Variants in KNL1 observed in about 807,000 individuals in gnomAD.
KNL1 encodes the protein outer kinetochore KNL1 complex subunit KNL1.
In KNL1, 66 loss-of-function variants were observed where a neutral mutation model predicts 201.3. The observed-to-expected ratio is 0.33, with a 90% CI of 0.27 to 0.40. The LOEUF (loss-of-function observed/expected upper bound fraction) is 0.40. Ranked by LOEUF, KNL1 falls within the 10% of genes least tolerant of loss-of-function variation. The pLI, the probability that KNL1 is intolerant of heterozygous loss-of-function variation, is 1.00. For missense variants in KNL1, 2,815 were observed against 2,690.5 expected (o/e 1.05, Z -1.02); for synonymous variants, 895 against 899.2 (o/e 1.00, Z 0.08).
chr15:40,614,580 G>A (rs188999172), intron 7 of KNL1, among the ~76,000 whole-genome samples: 5 of 152,292 alleles, frequency 3.3e-5, no homozygotes, highest in African/African-American at 1.2e-4. Flanking sequence ...AACCACTGTT[G>A]ACAATTTTTG....
chr15:40,646,898 A>T lies in KNL1; in HGVS notation c.6007-89A>T, dbSNP rs1181332470. 8 of 599,628 alleles carry T rather than the reference A, an allele frequency of 1.3e-5. No individual in the cohort carries two copies. The East Asian group carries it at 2.4e-4, about 18-fold the overall frequency. 37.1% of individuals were successfully genotyped at this position (599,628 alleles called of 1,614,324 possible). ...AAAAAAGATTTGCCTGTTTGTGATCATGATAGAGCGATTATGTGAGCAGTT... is the reference window on the plus strand; with the variant it reads ...AAAAAAGATTTGCCTGTTTGTGATCTTGATAGAGCGATTATGTGAGCAGTT... On this transcript the variant is annotated intron_variant, in intron 16 of 25. Coordinates refer to ENST00000399668, the MANE Select transcript of KNL1 (RefSeq NM_144508.5).
intron 25 of KNL1, among the ~76,000 whole-genome samples, chr15:40,659,927 T>TGTGTGTGTGTGTGTGTGTGTG (rs71104714): frequency 3.3e-5 from 5 of 150,602 alleles, no homozygotes; most frequent in South Asian, 2.1e-4. Context: ...TGTGTGTGTG[T>TGTGTGTGTGTGTGTGTGTGTG]TTGAGATGGA....
chr15:40,616,053 C>G (rs1324228127), intron 8 of KNL1: 1 of 151,356 alleles, frequency 6.6e-6, no homozygotes, highest in African/African-American at 2.4e-5. Context: ...GTGTGAGCCA[C>G]CGCGCCTGGC....
chr15:40,622,425 A>G lies in KNL1; in HGVS notation c.2161A>G (p.Thr721Ala). The G allele has an allele frequency of 6.2e-7, 1 of 1,613,868 alleles. No homozygotes were observed. The highest frequency in any genetic ancestry group is 1.1e-5 in the South Asian group (1 of 91,054). ...TCATGATACTGCTATAAGTAGTCAT[A>G]CAGTGAAATCTGTACTAGGCCAGAA... is the stretch of plus-strand genomic sequence containing the variant. ...KNHDTAISSH[T>A]VKSVLGQNSK... Residue 721 changes from threonine to alanine, a missense_variant, in exon 10 of 26, where the codon ACA (threonine) becomes GCA (alanine). Physicochemically the swap from Thr to Ala is moderately conservative, Grantham distance 58. Around this residue, in one of 3 missense-constraint regions of KNL1, gnomAD observed 2,464 missense variants for 2,291.7 expected, o/e 1.08. Coordinates refer to ENST00000399668, the MANE Select transcript of KNL1 (RefSeq NM_144508.5).
Position 40,624,050 on chromosome 15 carries a change from C to G in KNL1, c.3786C>G (p.Asp1262Glu). 1 of 1,613,892 alleles carries G rather than the reference C, an allele frequency of 6.2e-7. No homozygotes were observed. Among genetic ancestry groups the G allele is most frequent in the Non-Finnish European group, 8.5e-7 (1 of 1,179,922 alleles). Residue 1262 changes from aspartate to glutamate, a missense_variant, in exon 10 of 26, where the codon GAC (aspartate) becomes GAG (glutamate). Transcript: ENST00000399668. ...MDEKVIGKVV[D>E]QACTLEKAQV... is the part of the protein sequence containing the mutation. ...AAAAGGTCATAGGGAAAGTTGTAGA[C>G]CAGGCCTGTACATTGGAAAAAGCGC...
chr15:40,654,832 G>T, intron 21 of KNL1, 77 bp from the exon 22 acceptor site: 2 of 1,069,684 alleles, frequency 1.9e-6, no homozygotes, highest in Non-Finnish European at 2.8e-6. Flanking sequence ...CTGCGCCATT[G>T]CACTCCAGCC....
intron 7 of KNL1, among the ~76,000 whole-genome samples, chr15:40,613,263 G>A (rs1892231850): frequency 6.6e-6 from 1 of 152,154 alleles, no homozygotes; most frequent in Non-Finnish European, 1.5e-5. Flanking sequence ...GTGTGTGTGT[G>A]TGTGTATCTT....
rs1285249438 is a variant in KNL1, at chr15:40,621,869, T to C, written c.1605T>C (p.Asn535=). The change falls in exon 10 of 26, where the codon AAT becomes AAC. Residue 535 remains asparagine (N), a synonymous_variant. Coordinates refer to ENST00000399668, the MANE Select transcript of KNL1 (RefSeq NM_144508.5). The stretch of plus-strand genomic sequence containing the variant: ...CAGAAGATGGGAAAATGAATGTAAA[T>C]TGTAACTCAGTTCCTCATGTATCTA... The part of the protein sequence containing the change: ...TTSEDGKMNV[N]CNSVPHVSKE... 2.5e-6 allele frequency: 4 copies of C among 1,614,092 alleles called. No individual in the cohort carries two copies. The highest frequency in any genetic ancestry group is 1.1e-5 in the South Asian group (1 of 91,084).
intron 20 of KNL1, 32 bp from the exon 21 acceptor site, chr15:40,651,973 G>C (rs375960767): frequency 3.3e-6 from 5 of 1,502,214 alleles, no homozygotes; most frequent in African/African-American, 2.7e-5. Flanking sequence ...TTTTAAAAAC[G>C]CTTTTTAAAA....
intron 19 of KNL1, among the ~76,000 whole-genome samples, chr15:40,650,828 T>C (rs1172239650): frequency 2.0e-5 from 3 of 152,184 alleles, no homozygotes; most frequent in African/African-American, 7.2e-5. Flanking sequence ...CAGTATCCTT[T>C]TTGTTTAATA....
chr15:40,610,171 CAG>C, intron 5 of KNL1, 72 bp from the exon 6 acceptor site: 1 of 827,846 alleles, frequency 1.2e-6, no homozygotes, highest in East Asian at 2.5e-5. Context: ...TATCTCAACA[CAG>C]ACTATAAATC....
In KNL1 at chr15:40,622,791, C is replaced by CA; in HGVS notation, c.2531dup (p.Asn844LysfsTer16). The CA allele has an allele frequency of 6.2e-7, 1 of 1,612,590 alleles. No individual in the cohort carries two copies. On this transcript the variant is annotated frameshift_variant, in exon 10 of 26. Transcript: ENST00000399668. LOFTEE classifies it high-confidence loss of function. ...GAAACCTAAATTTCCAAAGGAAAAG[C>CA]AAAATGTCAAAATTTGGGGAAGGAA...
chr15:40,625,637 G>C lies in KNL1; in HGVS notation c.5373G>C (p.Arg1791=). The stretch of plus-strand genomic sequence containing the variant: ...AGTTTAGTGATACGACACAAGATCG[G>C]GAGGTGAGCTCTGTCTTGAACCAAA... The part of the protein sequence containing the change: ...EIKFSDTTQD[R]EIFDHHTEED... Residue 1791 remains arginine (R), a synonymous_variant, in exon 10 of 26, where the codon CGG becomes CGC. Coordinates refer to ENST00000399668, the MANE Select transcript of KNL1 (RefSeq NM_144508.5). 1.9e-6 allele frequency: 3 copies of C among 1,610,080 alleles called. No homozygotes were observed. The highest frequency in any genetic ancestry group is 2.5e-6 in the Non-Finnish European group (3 of 1,178,190).
rs777687058 is a variant in KNL1, at chr15:40,650,555, C to G, written c.6184C>G (p.Leu2062Val). The G allele has an allele frequency of 7.7e-6, 12 of 1,557,818 alleles. No individual in the cohort carries two copies. In the East Asian group the frequency reaches 2.5e-4, roughly 32 times the overall value. Residue 2062 changes from leucine to valine, a missense_variant, in exon 19 of 26, where the codon CTG becomes GTG. By Grantham distance (32) the Leu-to-Val change is conservative. This residue lies in a region of KNL1 where 334 missense variants were observed against 362.6 expected (regional missense o/e 0.92). Transcript: ENST00000399668. ...MRAAEKELEQLKTEEEELQRN... is the reference protein window; with the variant it reads ...MRAAEKELEQVKTEEEELQRN... ...TTCTGTTTCCAAAGAATTGGAACAG[C>G]TGAAAACTGAAGAAGAGGAGCTTCA...
intron 1 of KNL1, among the ~76,000 whole-genome samples, chr15:40,595,040 A>C (rs978371323): frequency 6.6e-6 from 1 of 152,234 alleles, no homozygotes; most frequent in African/African-American, 2.4e-5. Context: ...AGTTTGAGGG[A>C]GGAAAAAGTA....
chr15:40,597,907 C>T (rs1323108576), intron 1 of KNL1, among the ~76,000 whole-genome samples: 3 of 152,122 alleles, frequency 2.0e-5, no homozygotes, highest in African/African-American at 4.8e-5. Context: ...CGCGGTGGCT[C>T]ACGCCTGTCA....
chr15:40,647,152 C>T (rs945010522), intron 17 of KNL1, 78 bp downstream of exon 17: 2 of 756,404 alleles, frequency 2.6e-6, no homozygotes, highest in African/African-American at 1.8e-5. Context: ...AATGTTGGTA[C>T]CACGATATTG....
intron 1 of KNL1, among the ~76,000 whole-genome samples, chr15:40,601,859 CTTTTT>C (rs36046773): frequency 3.1e-5 from 2 of 64,632 alleles, no homozygotes; most frequent in Non-Finnish European, 5.3e-5. Flanking sequence ...AAAAATGCAT[CTTTTT>C]TTTTTTTTTT....
chr15:40,599,981 A>G (rs1412713463), intron 1 of KNL1, among the ~76,000 whole-genome samples: 1 of 147,960 alleles, frequency 6.8e-6, no homozygotes, highest in East Asian at 2.0e-4. Context: ...TGCCCACCCA[A>G]TTTTGCATTT....
Sources: gnomAD v4.1 joint callset for allele counts (sites outside exome capture counted in the v4.1 genomes callset) on GRCh38, gnomAD v4.1.1 for gene constraint, gnomAD v4.1.1 regional missense constraint, MANE v1.5 for transcripts, NCBI Gene and HGNC (gene_info 2026-07-23, HGNC 2026-07-21) for gene names.